Variants in LRRC37A2 observed in about 807,000 individuals in gnomAD.
LRRC37A2 encodes the protein leucine rich repeat containing 37 member A2.
A neutral mutation model predicts 68.8 loss-of-function variants in LRRC37A2; 9 were observed. The ratio of observed to expected loss-of-function variants is 0.13; its 90% CI spans 0.08 to 0.23. The LOEUF (loss-of-function observed/expected upper bound fraction) is 0.23, where lower values mean the gene tolerates loss of function less well. Among genes scored for constraint, LRRC37A2 ranks in the 10% least tolerant of loss-of-function variants. The pLI is 1.00. For missense variants in LRRC37A2, 168 were observed against 950.4 expected, an observed-to-expected ratio of 0.18 and a Z score of 10.82; for synonymous variants, 63 against 367.6, an observed-to-expected ratio of 0.17 and a Z score of 9.48.
the LRRC37A2 span, among the ~76,000 whole-genome samples, chr17:46,980,913 T>C: frequency 6.6e-6 from 1 of 152,034 alleles, no homozygotes; most frequent in Admixed American, 6.5e-5. Context: ...TCCAGAAATA[T>C]ACCAGTGTAC....
At chr17:46,754,433 G>T in the LRRC37A2 span, among the ~76,000 whole-genome samples, 1 of 152,074 alleles carries the variant, frequency 6.6e-6, no homozygotes, top group Admixed American at 6.5e-5. Context: ...TATTCCTGGA[G>T]GGCAGGGAGT....
the LRRC37A2 span, chr17:46,710,823 T>C: frequency 4.4e-6 from 3 of 680,488 alleles, no homozygotes; most frequent in Non-Finnish European, 6.7e-6. Flanking sequence ...ATTATACAAG[T>C]TGTTTTGCTT....
At chr17:46,931,071 C>A in the LRRC37A2 span, 22 of 1,164,064 alleles carry the variant, frequency 1.9e-5, no homozygotes, top group Non-Finnish European at 1.3e-6. Context: ...TCTTTTCCAG[C>A]AATTATTCTT....
the LRRC37A2 span, among the ~76,000 whole-genome samples, chr17:46,963,504 C>A: frequency 6.7e-6 from 1 of 149,418 alleles, no homozygotes; most frequent in African/African-American, 2.5e-5. Context: ...AAGATCACAC[C>A]ACGCACTCCA....
At chr17:46,496,585 A>G in the LRRC37A2 span, among the ~76,000 whole-genome samples, 1,514 of 143,204 alleles carry the variant, frequency 0.011, 164 homozygotes, top group African/African-American at 0.036. Context: ...CCTGGGAAGC[A>G]GAGCAAGACT....
At chr17:46,844,848 CT>C in the LRRC37A2 span, among the ~76,000 whole-genome samples, 1 of 151,622 alleles carries the variant, frequency 6.6e-6, no homozygotes, top group Non-Finnish European at 1.5e-5. Context: ...TTCTTTCTTT[CT>C]TTTTTATTTT....
At chr17:46,831,573 A>C in the LRRC37A2 span, 2 of 152,726 alleles carry the variant, frequency 1.3e-5, no homozygotes, top group Admixed American at 1.3e-4. Flanking sequence ...CTAGGAGAAG[A>C]GGGGGAGGGC....
the LRRC37A2 span, among the ~76,000 whole-genome samples, chr17:46,947,222 G>A: frequency 1.3e-5 from 2 of 152,146 alleles, no homozygotes; most frequent in Non-Finnish European, 2.9e-5. Flanking sequence ...AGATTCTGTG[G>A]CCCCAGGAGT....
the LRRC37A2 span, among the ~76,000 whole-genome samples, chr17:46,878,361 T>C: frequency 1.3e-4 from 20 of 152,328 alleles, no homozygotes; most frequent in African/African-American, 4.8e-4. Context: ...GACTGTGCCC[T>C]GGCCAACTCC....
chr17:46,944,010 T>C, the LRRC37A2 span, among the ~76,000 whole-genome samples: 6 of 152,072 alleles, frequency 3.9e-5, no homozygotes, highest in Admixed American at 3.9e-4. Context: ...GCTTAGCAAT[T>C]CCATTAGTGT....
At position 46,548,935 on chromosome 17, in the gene LRRC37A2, C is replaced by CCACA. The variant is rs1315612882; in HGVS notation, c.3797_3800dup (p.Gln1267HisfsTer23). The CCACA allele has an allele frequency of 6.2e-7, 1 of 1,612,432 alleles. No homozygotes were observed. The highest frequency in any genetic ancestry group is 1.4e-5 in the African/African-American group (1 of 73,762). On this transcript the variant is annotated frameshift_variant, in exon 10 of 15. Coordinates refer to ENST00000576629, the Ensembl canonical transcript of LRRC37A2. LOFTEE classifies it high-confidence loss of function. ...TACCTCCAGCCCTGCAAAAGCCCTA[C>CCACA]CACAGGTGAGAGACAGATGGAAAGA... is the stretch of plus-strand genomic sequence containing the variant.
the LRRC37A2 span, among the ~76,000 whole-genome samples, chr17:46,947,724 G>A: frequency 6.6e-6 from 1 of 152,156 alleles, no homozygotes; most frequent in Non-Finnish European, 1.5e-5. Context: ...ACCTCAAGTG[G>A]TAGCAAAAGT....
chr17:46,800,363 G>A, the LRRC37A2 span, among the ~76,000 whole-genome samples: 11 of 152,126 alleles, frequency 7.2e-5, no homozygotes, highest in East Asian at 1.4e-3. Flanking sequence ...CGCCCACCTC[G>A]GCCTCCCAAA....
chr17:46,738,005 A>G, the LRRC37A2 span, among the ~76,000 whole-genome samples: 39 of 151,748 alleles, frequency 2.6e-4, no homozygotes, highest in African/African-American at 7.5e-4. Flanking sequence ...CGCAGTCTCA[A>G]TCACTGCAGC....
At chr17:46,978,819 C>A in the LRRC37A2 span, 2 of 1,609,318 alleles carry the variant, frequency 1.2e-6, no homozygotes, top group Middle Eastern at 3.3e-4. Flanking sequence ...CCCGCGACAC[C>A]CACAGGCTGC....
At chr17:46,770,139 C>T in the LRRC37A2 span, 14 of 1,444,060 alleles carry the variant, frequency 9.7e-6, no homozygotes, top group South Asian at 1.1e-4. Context: ...GTGAGGGGAA[C>T]GAGGCCAGGA....
At chr17:46,687,227 C>T in the LRRC37A2 span, among the ~76,000 whole-genome samples, 40 of 80,040 alleles carry the variant, frequency 5.0e-4, no homozygotes, top group African/African-American at 2.0e-3. Flanking sequence ...GATCCATCTT[C>T]TTACGGTATC....
the LRRC37A2 span, among the ~76,000 whole-genome samples, chr17:46,707,302 C>A: frequency 6.6e-6 from 1 of 152,144 alleles, no homozygotes; most frequent in African/African-American, 2.4e-5. Context: ...AGTCTTTTGC[C>A]TGTTTTTCTG....
chr17:46,904,900 C>A, the LRRC37A2 span, among the ~76,000 whole-genome samples: 4 of 152,118 alleles, frequency 2.6e-5, no homozygotes, highest in African/African-American at 9.7e-5. Flanking sequence ...GCACTCCCAT[C>A]TCTTTGGGGC....
Sources: allele counts gnomAD v4.1 joint callset (sites outside exome capture counted in the v4.1 genomes callset), GRCh38; gene constraint gnomAD v4.1.1; transcripts MANE v1.5; gene names NCBI Gene and HGNC (gene_info 2026-07-23, HGNC 2026-07-21).